Variants in NCKAP5 observed in about 807,000 individuals in gnomAD.
NCKAP5 encodes NCK associated protein 5.
In NCKAP5, 92 loss-of-function variants were observed where a neutral mutation model predicts 167.0. That is an observed-to-expected ratio of 0.55 (90% CI 0.47 to 0.66). NCKAP5 has a LOEUF of 0.66. Among genes scored for constraint, NCKAP5 ranks in the 30% least tolerant of loss-of-function variants. NCKAP5 has a pLI of 0.00. For missense variants in NCKAP5, 2,378 were observed against 2,315.0 expected (o/e 1.03, Z -0.56); for synonymous variants, 891 against 877.4 (o/e 1.02, Z -0.27).
At chr2:133,413,524 G>A (rs1188228315) in intron 3 of NCKAP5, among the ~76,000 whole-genome samples, 1 of 152,076 alleles carries the variant, frequency 6.6e-6, no homozygotes, top group African/African-American at 2.4e-5. Context: ...ATTAGGGGAA[G>A]GAGGGAAGGG....
intron 11 of NCKAP5, among the ~76,000 whole-genome samples, chr2:132,860,167 G>C (rs1689780419): frequency 6.6e-6 from 1 of 152,160 alleles, no homozygotes; most frequent in African/African-American, 2.4e-5. Flanking sequence ...ATCACAGTAT[G>C]CAAGATTACT....
chr2:133,238,516 A>G (rs2150286104), intron 4 of NCKAP5, among the ~76,000 whole-genome samples: 1 of 152,326 alleles, frequency 6.6e-6, no homozygotes, highest in African/African-American at 2.4e-5. Flanking sequence ...AAGAAGACAC[A>G]GGCACCGTTG....
chr2:133,150,483 A>C (rs1245583154), intron 5 of NCKAP5, among the ~76,000 whole-genome samples: 1 of 152,188 alleles, frequency 6.6e-6, no homozygotes, highest in Non-Finnish European at 1.5e-5. Context: ...GCTGAGTCTC[A>C]CATCTTACAG....
chr2:133,606,029 A>G, the NCKAP5 span, among the ~76,000 whole-genome samples: 3 of 150,308 alleles, frequency 2.0e-5, no homozygotes, highest in Admixed American at 6.6e-5. Flanking sequence ...GTTAATGTGG[A>G]AAAAAAATGC....
intron 12 of NCKAP5, among the ~76,000 whole-genome samples, chr2:132,792,849 T>C (rs1405406791): frequency 6.6e-6 from 1 of 152,222 alleles, no homozygotes; most frequent in Non-Finnish European, 1.5e-5. Flanking sequence ...TCTCTTTTAA[T>C]GAATAAGCAG....
At chr2:133,019,186 A>G (rs900365246) in intron 6 of NCKAP5, among the ~76,000 whole-genome samples, 1 of 152,230 alleles carries the variant, frequency 6.6e-6, no homozygotes, top group African/African-American at 2.4e-5. Context: ...CGGAGTGGCA[A>G]TTACAGAAAA....
At chr2:132,793,682 G>C (rs193184091) in intron 12 of NCKAP5, among the ~76,000 whole-genome samples, 25 of 152,302 alleles carry the variant, frequency 1.6e-4, no homozygotes, top group African/African-American at 6.0e-4. Flanking sequence ...TGCTAAGCCA[G>C]GCAAAGGGAA....
chr2:133,626,626 G>A, the NCKAP5 span, among the ~76,000 whole-genome samples: 12 of 151,986 alleles, frequency 7.9e-5, no homozygotes, highest in East Asian at 1.5e-3. Context: ...AATTTTTAGG[G>A]TATGATAATG....
intron 6 of NCKAP5, among the ~76,000 whole-genome samples, chr2:132,998,928 T>C (rs1346535527): frequency 1.3e-5 from 2 of 152,176 alleles, no homozygotes; most frequent in African/African-American, 4.8e-5. Context: ...TCATGTCTTC[T>C]AGCTCTCCAT....
At chr2:133,576,401 C>A in the NCKAP5 span, among the ~76,000 whole-genome samples, 2 of 152,202 alleles carry the variant, frequency 1.3e-5, no homozygotes, top group Non-Finnish European at 2.9e-5. Flanking sequence ...CATGAATCTA[C>A]TAATCTTTGA....
chr2:132,719,661 T>A (rs1689721834), intron 19 of NCKAP5, among the ~76,000 whole-genome samples: 1 of 152,156 alleles, frequency 6.6e-6, no homozygotes, highest in South Asian at 2.1e-4. Context: ...GCAGGCTGCG[T>A]GAGTCAGATG....
intron 3 of NCKAP5, among the ~76,000 whole-genome samples, chr2:133,441,082 AGACACACACACT>A (rs1403395136): frequency 1.6e-4 from 12 of 75,666 alleles, no homozygotes; most frequent in Admixed American, 7.4e-4. Context: ...CACACCCTAC[AGACACACACACT>A]CACACACACA....
chr2:133,100,658 A>C (rs1212318188), intron 6 of NCKAP5, among the ~76,000 whole-genome samples: 1 of 152,208 alleles, frequency 6.6e-6, no homozygotes, highest in Non-Finnish European at 1.5e-5. Flanking sequence ...TATCTCATTT[A>C]AACTCCATAT....
intron 7 of NCKAP5, among the ~76,000 whole-genome samples, chr2:132,971,747 A>G (rs1024607625): frequency 6.6e-6 from 1 of 152,146 alleles, no homozygotes; most frequent in Non-Finnish European, 1.5e-5. Context: ...CCTTATTTCA[A>G]TGTTTCTCAG....
At chr2:133,349,551 C>T (rs1238557360) in intron 3 of NCKAP5, among the ~76,000 whole-genome samples, 2 of 152,304 alleles carry the variant, frequency 1.3e-5, no homozygotes, top group Non-Finnish European at 2.9e-5. Context: ...AGTTTTAAAA[C>T]ATCTTCTCCT....
intron 8 of NCKAP5, among the ~76,000 whole-genome samples, chr2:132,889,320 T>C (rs1258540140): frequency 2.6e-5 from 4 of 152,170 alleles, no homozygotes; most frequent in East Asian, 1.9e-4. Flanking sequence ...GTTGGTTACA[T>C]AGCAATAAAT....
rs556750758 is a variant in NCKAP5 at position 133,217,087 on chromosome 2, A to G, written c.144-3308T>C. On this transcript the variant is annotated intron_variant, in intron 4 of 19. Coordinates refer to ENST00000409261, the MANE Select transcript of NCKAP5 (RefSeq NM_207363.3). ...ATTGCCTCGGACCTGAGAGGCACCT[A>G]TTGAGAAGCTTTGGTAAATTAAGGC... Among the ~76,000 whole-genome samples the G allele has an allele frequency of 8.5e-5, 13 of 152,280 alleles. 1 individual carries two copies. The South Asian group carries it at 2.5e-3, about 29-fold the overall frequency.
chr2:133,215,732 A>G (rs1458354697), intron 4 of NCKAP5, among the ~76,000 whole-genome samples: 1 of 152,188 alleles, frequency 6.6e-6, no homozygotes, highest in Admixed American at 6.6e-5. Context: ...TATATACTTT[A>G]TTTCCTATTT....
intron 19 of NCKAP5, among the ~76,000 whole-genome samples, chr2:132,696,440 G>C (rs558196670): frequency 6.6e-6 from 1 of 152,302 alleles, no homozygotes; most frequent in Admixed American, 6.5e-5. Context: ...TCACTGATAG[G>C]ACCTGTGTTC....
Sources: gnomAD v4.1 joint callset for allele counts (sites outside exome capture counted in the v4.1 genomes callset) on GRCh38, gnomAD v4.1.1 for gene constraint, MANE v1.5 for transcripts, NCBI Gene and HGNC (gene_info 2026-07-23, HGNC 2026-07-21) for gene names.